CCDC178: variants seen among roughly 807,000 people sequenced by gnomAD.
The protein encoded by CCDC178 is coiled-coil domain-containing protein 178.
In CCDC178, 126 loss-of-function variants were observed where a neutral mutation model predicts 117.4. The ratio of observed to expected loss-of-function variants is 1.07; its 90% CI spans 0.93 to 1.24. CCDC178 has a LOEUF of 1.24. CCDC178 is among the 50% of genes most tolerant of loss of function. The pLI is 0.00. For missense variants in CCDC178, 1,030 were observed against 986.9 expected, an observed-to-expected ratio of 1.04 and a Z score of -0.59; for synonymous variants, 283 against 313.4, an observed-to-expected ratio of 0.90 and a Z score of 1.02.
intron 21 of CCDC178, among the ~76,000 whole-genome samples, chr18:32,984,943 G>A (rs73415420): frequency 1.4e-3 from 211 of 151,762 alleles, no homozygotes; most frequent in African/African-American, 4.7e-3. Flanking sequence ...TGGCACTTTC[G>A]GTTTTCATTT....
chr18:33,366,338 T>C (rs2063206739), intron 6 of CCDC178, among the ~76,000 whole-genome samples: 1 of 151,938 alleles, frequency 6.6e-6, no homozygotes, highest in Non-Finnish European at 1.5e-5. Flanking sequence ...AATACCCCTT[T>C]CTCTTTTGCT....
At chr18:33,380,889 A>G (rs1250417266) in intron 5 of CCDC178, among the ~76,000 whole-genome samples, 1 of 152,228 alleles carries the variant, frequency 6.6e-6, no homozygotes, top group African/African-American at 2.4e-5. Flanking sequence ...CAAGGCCAAC[A>G]AGCCAGAGAT....
chr18:32,961,465 T>A (rs1020303683), intron 22 of CCDC178, among the ~76,000 whole-genome samples: 1 of 152,158 alleles, frequency 6.6e-6, no homozygotes, highest in African/African-American at 2.4e-5. Flanking sequence ...AACTTTCAAG[T>A]TACCAGTCTT....
chr18:33,188,798 G>A (rs2144509020), intron 20 of CCDC178, among the ~76,000 whole-genome samples: 2 of 152,290 alleles, frequency 1.3e-5, no homozygotes, highest in Middle Eastern at 6.8e-3. Context: ...AGATAGAACT[G>A]TAAGATATTA....
At chr18:33,235,218 C>A (rs1249959991) in intron 15 of CCDC178, among the ~76,000 whole-genome samples, 1 of 152,146 alleles carries the variant, frequency 6.6e-6, no homozygotes, top group Non-Finnish European at 1.5e-5. Flanking sequence ...AAGTTATGCA[C>A]CAGATTACTG....
chr18:33,045,715 A>G (rs1344308368), intron 21 of CCDC178, among the ~76,000 whole-genome samples: 2 of 152,202 alleles, frequency 1.3e-5, no homozygotes, highest in East Asian at 3.8e-4. Context: ...ACTTTCACTT[A>G]CAAAGCCGAA....
intron 10 of CCDC178, among the ~76,000 whole-genome samples, chr18:33,327,227 T>A (rs1274957521): frequency 6.6e-6 from 1 of 152,184 alleles, no homozygotes; most frequent in Non-Finnish European, 1.5e-5. Flanking sequence ...TGTGTCTACC[T>A]TCTTAGCATA....
intron 9 of CCDC178, among the ~76,000 whole-genome samples, chr18:33,339,154 C>T (rs1450475351): frequency 6.6e-6 from 1 of 151,720 alleles, no homozygotes; most frequent in Non-Finnish European, 1.5e-5. Flanking sequence ...ATAAAAATGG[C>T]ATCAAGTAAA....
At position 33,138,296 on chromosome 18, in the gene CCDC178, T is replaced by G. The variant is rs139264484; in HGVS notation, c.2239-45386A>C. 2.6e-5 allele frequency among the ~76,000 whole-genome samples: 4 copies of G among 152,288 alleles called. No individual in the cohort carries two copies. The East Asian group carries it at 7.7e-4, about 29-fold the overall frequency. On this transcript the variant is annotated intron_variant, in intron 20 of 22. Transcript: ENST00000383096. ...CTACATGAGAAAGCACAGAAGAACT[T>G]TGTATTTGTATTGTGAGGAAAAAAG...
intron 11 of CCDC178, among the ~76,000 whole-genome samples, chr18:33,310,542 C>T (rs889307963): frequency 6.6e-6 from 1 of 151,796 alleles, no homozygotes; most frequent in African/African-American, 2.4e-5. Flanking sequence ...AAAAATTAGC[C>T]AGGCATAGTG....
chr18:33,436,481 A>G (rs2064291881), intron 2 of CCDC178, among the ~76,000 whole-genome samples: 1 of 152,168 alleles, frequency 6.6e-6, no homozygotes, highest in Non-Finnish European at 1.5e-5. Flanking sequence ...TTTAATGGGG[A>G]AAAGACTTGA....
At chr18:33,322,378 T>G (rs1300414367) in intron 11 of CCDC178, among the ~76,000 whole-genome samples, 1 of 151,832 alleles carries the variant, frequency 6.6e-6, no homozygotes, top group African/African-American at 2.4e-5. Context: ...ACCTCCATGC[T>G]TAGTAAACTT....
intron 15 of CCDC178, among the ~76,000 whole-genome samples, chr18:33,228,411 T>C (rs191833565): frequency 6.6e-6 from 1 of 152,196 alleles, no homozygotes; most frequent in African/African-American, 2.4e-5. Context: ...TTAATATTGT[T>C]TGAAAAGAAC....
intron 21 of CCDC178, among the ~76,000 whole-genome samples, chr18:33,038,540 T>C (rs2056487045): frequency 6.6e-6 from 1 of 152,024 alleles, no homozygotes; most frequent in South Asian, 2.1e-4. Context: ...TGACCTCCTG[T>C]TGTAGAACAA....
At chr18:33,077,826 T>A (rs1462214876) in intron 21 of CCDC178, among the ~76,000 whole-genome samples, 1 of 152,078 alleles carries the variant, frequency 6.6e-6, no homozygotes, top group South Asian at 2.1e-4. Flanking sequence ...ACCAGAAGAA[T>A]TCACAGCCAA....
chr18:33,251,048 A>G (rs1167972432), intron 14 of CCDC178, among the ~76,000 whole-genome samples: 5 of 151,682 alleles, frequency 3.3e-5, no homozygotes, highest in African/African-American at 1.2e-4. Flanking sequence ...TATGACACGG[A>G]GATAAGCCTG....
intron 5 of CCDC178, among the ~76,000 whole-genome samples, chr18:33,370,568 T>C (rs1028657990): frequency 3.3e-5 from 5 of 152,004 alleles, no homozygotes; most frequent in Admixed American, 6.6e-5. Context: ...CTTTGAAATA[T>C]ATTTTAAATA....
chr18:33,231,912 C>T (rs2059372854), intron 15 of CCDC178, among the ~76,000 whole-genome samples: 1 of 152,196 alleles, frequency 6.6e-6, no homozygotes. Context: ...TGCTTTCTCT[C>T]AGCCCTCCAG....
chr18:33,265,874 T>C (rs554029056), intron 14 of CCDC178, among the ~76,000 whole-genome samples: 16 of 152,110 alleles, frequency 1.1e-4, no homozygotes, highest in African/African-American at 3.9e-4. Context: ...TGACGATAGC[T>C]TGTACTAGAT....
Sources: gnomAD v4.1 joint callset for allele counts (sites outside exome capture counted in the v4.1 genomes callset) on GRCh38, gnomAD v4.1.1 for gene constraint, MANE v1.5 for transcripts, NCBI Gene and HGNC (gene_info 2026-07-23, HGNC 2026-07-21) for gene names.